Variants in GLI4 observed in about 807,000 individuals in gnomAD.
GLI4 encodes GLI family zinc finger 4.
GLI4 carries 34 observed loss-of-function variants against 30.9 expected under a neutral mutation model. The observed-to-expected ratio is 1.10, with a 90% CI of 0.84 to 1.47. The LOEUF (loss-of-function observed/expected upper bound fraction) is 1.47. GLI4 is among the 40% of genes most tolerant of loss of function. The pLI, the probability that GLI4 is intolerant of heterozygous loss-of-function variation, is 0.00. For synonymous variants in GLI4, 277 were observed against 236.7 expected, an observed-to-expected ratio of 1.17 and a Z score of -1.56; for missense variants, 696 against 538.9, an observed-to-expected ratio of 1.29 and a Z score of -2.89.
intron 1 of GLI4, chr8:143,268,160 C>T (rs1815179845): frequency 1.8e-5 from 16 of 882,828 alleles, no homozygotes; most frequent in Non-Finnish European, 2.2e-5. Flanking sequence ...CCAGTGGCCA[C>T]CTACCTGGTG....
In GLI4 at chr8:143,276,419, G is replaced by A. The variant is rs763489744; in HGVS notation, c.746G>A (p.Ser249Asn). 11 of 1,612,552 alleles carry A rather than the reference G, an allele frequency of 6.8e-6. No homozygotes were observed. Among genetic ancestry groups the A allele is most frequent in the Non-Finnish European group, 8.5e-6 (10 of 1,179,732 alleles). Reference protein sequence around the residue: ...YECGQCGRAFSHSSHFTQHLR... With the variant: ...YECGQCGRAFNHSSHFTQHLR... ...TGCGGCCAGTGCGGCCGCGCCTTCAGCCACAGCTCGCACTTCACGCAGCAC... is the reference window on the plus strand; with the variant it reads ...TGCGGCCAGTGCGGCCGCGCCTTCAACCACAGCTCGCACTTCACGCAGCAC... The change falls in exon 4 of 4, where the codon AGC becomes AAC. Residue 249 changes from serine to asparagine, a missense_variant. Transcript: ENST00000340042.
At position 143,276,249 on chromosome 8, in the gene GLI4, C is replaced by T. The variant is rs761512231; in HGVS notation, c.576C>T (p.Phe192=). The change falls in exon 4 of 4, where the codon TTC becomes TTT. Residue 192 remains phenylalanine (F), a synonymous_variant. Coordinates refer to ENST00000340042, the MANE Select transcript of GLI4 (RefSeq NM_138465.4). Reference sequence around the variant, plus strand: ...GGTGCGAGGCCTGCGGCAAGAGTTTCAAGTATAACTCGCTGCTCCTGAAGC... The same window carrying T: ...GGTGCGAGGCCTGCGGCAAGAGTTTTAAGTATAACTCGCTGCTCCTGAAGC... ...PHRCEACGKS[F]KYNSLLLKHQ... is the part of the protein sequence containing the mutation. The T allele has an allele frequency of 5.6e-6, 9 of 1,610,198 alleles. No individual in the cohort carries two copies. The highest frequency in any genetic ancestry group is 4.0e-5 in the African/African-American group (3 of 74,964).
In GLI4 at chr8:143,276,290, C is replaced by T. The variant is rs755444002; in HGVS notation, c.617C>T (p.Thr206Met). Residue 206 changes from threonine to methionine, a missense_variant, in exon 4 of 4, where the codon ACG becomes ATG. Coordinates refer to ENST00000340042, the MANE Select transcript of GLI4 (RefSeq NM_138465.4). ...SLLLKHQRIH[T>M]GEKPYACHEC... Reference sequence around the variant, plus strand: ...CTCCTGAAGCACCAGCGCATCCACACGGGCGAGAAGCCCTACGCCTGCCAC... The same window carrying T: ...CTCCTGAAGCACCAGCGCATCCACATGGGCGAGAAGCCCTACGCCTGCCAC... 20 of 1,611,632 alleles carry T rather than the reference C, an allele frequency of 1.2e-5. No homozygotes were observed. Among genetic ancestry groups the T allele is most frequent in the South Asian group, 2.2e-5 (2 of 90,976 alleles).
At chr8:143,270,372 C>T (rs1343109134) in intron 2 of GLI4, among the ~76,000 whole-genome samples, 1 of 152,234 alleles carries the variant, frequency 6.6e-6, no homozygotes, top group Non-Finnish European at 1.5e-5. Flanking sequence ...GGAGCCAGGA[C>T]CAGGGTGAGT....
At position 143,276,734 on chromosome 8, in the gene GLI4, G is replaced by T; in HGVS notation, c.1061G>T (p.Gly354Val). ...THTGEKPFAC[G>V]ACGKAFGQSS... ...ACGGGCGAGAAGCCCTTCGCGTGTG[G>T]CGCCTGCGGCAAGGCCTTCGGCCAG... Residue 354 changes from glycine to valine, a missense_variant, in exon 4 of 4, where the codon GGC (glycine) becomes GTC (valine). By Grantham distance (109) the Gly-to-Val change is moderately radical. Coordinates refer to ENST00000340042, the MANE Select transcript of GLI4 (RefSeq NM_138465.4). 6.2e-7 allele frequency: 1 copy of T among 1,608,936 alleles called. No homozygotes were observed. The highest frequency in any genetic ancestry group is 2.2e-5 in the East Asian group (1 of 44,724).
rs1815386155 is a variant in GLI4, at chr8:143,276,302, C to T, written c.629C>T (p.Pro210Leu). The change falls in exon 4 of 4, where the codon CCC becomes CTC. Residue 210 changes from proline (P) to leucine (L), a missense_variant. By Grantham distance (98) the Pro-to-Leu change is moderately conservative (BLOSUM62 -3). Transcript: ENST00000340042. ...CAGCGCATCCACACGGGCGAGAAGC[C>T]CTACGCCTGCCACGAGTGCGGCAAG... ...KHQRIHTGEKPYACHECGKRF... is the reference protein window; with the variant it reads ...KHQRIHTGEKLYACHECGKRF... 6.2e-7 allele frequency: 1 copy of T among 1,611,818 alleles called. No individual in the cohort carries two copies. Among genetic ancestry groups the T allele is most frequent in the South Asian group, 1.1e-5 (1 of 90,984 alleles).
intron 3 of GLI4, chr8:143,275,156 G>C: frequency 6.5e-7 from 1 of 1,535,734 alleles, no homozygotes; most frequent in Non-Finnish European, 8.7e-7. Flanking sequence ...CCAGATCCAC[G>C]AGTTATCCTG....
Position 143,269,539 on chromosome 8 carries a change from G to A in GLI4, c.124+19G>A. The A allele has an allele frequency of 1.2e-6, 2 of 1,606,474 alleles. No individual in the cohort carries two copies. The highest frequency in any genetic ancestry group is 2.2e-5 in the East Asian group (1 of 44,834). Reference sequence around the variant, plus strand: ...CAACATGGTACTCACCCAGCCCGCTGTGCGCCCTCCACCCTGCATCCCCTG... The same window carrying A: ...CAACATGGTACTCACCCAGCCCGCTATGCGCCCTCCACCCTGCATCCCCTG... On this transcript the variant is annotated intron_variant, in intron 2 of 3. Coordinates refer to ENST00000340042, the MANE Select transcript of GLI4 (RefSeq NM_138465.4).
intron 1 of GLI4, among the ~76,000 whole-genome samples, chr8:143,268,857 TGC>T (rs1183324972): frequency 1.6e-4 from 24 of 148,770 alleles, no homozygotes; most frequent in Non-Finnish European, 2.5e-4. Context: ...CTGCTGCTGC[TGC>T]TGTTGTTTGA....
At chr8:143,271,177 G>A (rs901756026) in intron 2 of GLI4, among the ~76,000 whole-genome samples, 152 of 152,346 alleles carry the variant, frequency 1.0e-3, no homozygotes, top group African/African-American at 3.4e-3. Flanking sequence ...TGCTGTGCTA[G>A]AAACAACATC....
rs190229086 is a variant in GLI4 at position 143,271,781 on chromosome 8, G to A, written c.124+2261G>A. ...GAGGGTCGTGAGGGGCATGAGGAGC[G>A]GCCGGGTAAGGTTCTCTGCGGTGGT... On this transcript the variant is annotated intron_variant, in intron 2 of 3. Coordinates refer to ENST00000340042, the MANE Select transcript of GLI4 (RefSeq NM_138465.4). Among the ~76,000 whole-genome samples, 1,135 of 152,280 alleles carry A rather than the reference G, an allele frequency of 7.5e-3. 8 individuals carry two copies. Among genetic ancestry groups the A allele is most frequent in the Middle Eastern group, 0.01 (3 of 294 alleles).
chr8:143,268,859 C>CTGCTGCTGCTGCTGCTGCTGCTGCTGT (rs35422165), intron 1 of GLI4, among the ~76,000 whole-genome samples: 37,071 of 149,194 alleles, frequency 0.25, 4,960 homozygotes, highest in Non-Finnish European at 0.3. Flanking sequence ...GCTGCTGCTG[C>CTGCTGCTGCTGCTGCTGCTGCTGCTGT]TGTTGTTTGA....
chr8:143,269,980 A>G (rs1815229448), intron 2 of GLI4, among the ~76,000 whole-genome samples: 1 of 152,204 alleles, frequency 6.6e-6, no homozygotes, highest in Admixed American at 6.5e-5. Flanking sequence ...TTGTGGCCTC[A>G]TGGTCACATG....
Position 143,274,779 on chromosome 8 carries a change from T to G in GLI4, c.200T>G (p.Ile67Ser). 6.4e-7 allele frequency: 1 copy of G among 1,567,940 alleles called. No homozygotes were observed. Among genetic ancestry groups the G allele is most frequent in the Non-Finnish European group, 8.7e-7 (1 of 1,154,126 alleles). The change falls in exon 3 of 4, where the codon ATC (isoleucine) becomes AGC (serine). Residue 67 changes from isoleucine (I) to serine (S), a missense_variant. Coordinates refer to ENST00000340042, the MANE Select transcript of GLI4 (RefSeq NM_138465.4). The stretch of plus-strand genomic sequence containing the variant: ...CTCCAAGACGTAGAGGAAGTGGAGA[T>G]CGGCAGAGACACCTTCTGGCCCGGT... ...LDLQDVEEVE[I>S]GRDTFWPDSE...
intron 1 of GLI4, 170 bp downstream of exon 1, chr8:143,267,654 T>G (rs925673763): frequency 4.0e-5 from 39 of 984,850 alleles, no homozygotes; most frequent in Non-Finnish European, 4.6e-5. Context: ...CGGGGTGGGC[T>G]CCTGGGGGTC....
At chr8:143,270,989 C>T (rs927881425) in intron 2 of GLI4, among the ~76,000 whole-genome samples, 1 of 151,868 alleles carries the variant, frequency 6.6e-6, no homozygotes, top group South Asian at 2.1e-4. Flanking sequence ...GCGCTACCCC[C>T]AGCCCTGTCT....
In GLI4 at chr8:143,276,260, C is replaced by A; in HGVS notation, c.587C>A (p.Ser196Ter). 6.2e-7 allele frequency: 1 copy of A among 1,611,604 alleles called. No individual in the cohort carries two copies. Among genetic ancestry groups the A allele is most frequent in the Non-Finnish European group, 8.5e-7 (1 of 1,179,314 alleles). The change falls in exon 4 of 4, where the codon TCG becomes TAG. Residue 196 changes from serine (S) to a stop codon, truncating the protein, a stop_gained. Transcript: ENST00000340042. LOFTEE classifies it high-confidence loss of function. ...TGCGGCAAGAGTTTCAAGTATAACT[C>A]GCTGCTCCTGAAGCACCAGCGCATC... ...EACGKSFKYN[S>*]LLLKHQRIHT...
chr8:143,274,156 G>A (rs147306427), intron 2 of GLI4, among the ~76,000 whole-genome samples: 59 of 152,330 alleles, frequency 3.9e-4, no homozygotes, highest in African/African-American at 1.4e-3. Context: ...GGCTCTGCCT[G>A]AGGAAGCCAG....
rs370700452 is a variant in GLI4, at chr8:143,274,293, G to A, written c.125-411G>A. Among the ~76,000 whole-genome samples the A allele has an allele frequency of 1.0e-3, 157 of 152,364 alleles. 2 individuals are homozygous for A. The South Asian group carries it at 0.028, about 27-fold the overall frequency. ...AAGGCAGGAAGGCTTTGTGAGGTAC[G>A]GGTGTGGGAGCCTGCAGGGCCAGCA... On this transcript the variant is annotated intron_variant, in intron 2 of 3. Transcript: ENST00000340042.
Sources: gnomAD v4.1 joint callset for allele counts (sites outside exome capture counted in the v4.1 genomes callset) on GRCh38, gnomAD v4.1.1 for gene constraint, MANE v1.5 for transcripts, NCBI Gene and HGNC (gene_info 2026-07-23, HGNC 2026-07-21) for gene names.